The following PTPRT variants were observed in gnomAD, a reference collection of about 807,000 sequenced individuals.
PTPRT encodes the protein protein tyrosine phosphatase receptor type T.
In PTPRT, 56 loss-of-function variants were observed where a neutral mutation model predicts 176.8. The observed-to-expected ratio is 0.32, with a 90% CI of 0.26 to 0.40. The LOEUF (loss-of-function observed/expected upper bound fraction) is 0.40. Ranked by LOEUF, PTPRT falls within the 10% of genes least tolerant of loss-of-function variation. The pLI is 1.00. For missense variants in PTPRT, 1,540 were observed against 1,908.2 expected (o/e 0.81, Z 3.60); for synonymous variants, 783 against 739.0 (o/e 1.06, Z -0.96).
intron 1 of PTPRT, among the ~76,000 whole-genome samples, chr20:43,156,004 A>G (rs1436670001): frequency 6.6e-6 from 1 of 152,138 alleles, no homozygotes; most frequent in Non-Finnish European, 1.5e-5. Context: ...AGCACTTTGA[A>G]ATCTGTCCAT....
intron 15 of PTPRT, among the ~76,000 whole-genome samples, chr20:42,225,609 T>A (rs1466620440): frequency 1.3e-5 from 2 of 152,200 alleles, no homozygotes; most frequent in Non-Finnish European, 2.9e-5. Context: ...TGTGTGTGTT[T>A]CAATGTTATG....
chr20:42,347,440 C>T (rs537281995), intron 11 of PTPRT, among the ~76,000 whole-genome samples: 1 of 152,258 alleles, frequency 6.6e-6, no homozygotes, highest in South Asian at 2.1e-4. Flanking sequence ...TCAATCACTA[C>T]AGTCAATGTA....
At chr20:42,329,500 C>CAT (rs376262134) in intron 11 of PTPRT, among the ~76,000 whole-genome samples, 2,790 of 136,436 alleles carry the variant, frequency 0.02, 36 homozygotes, top group African/African-American at 0.051. Flanking sequence ...CACACACACA[C>CAT]ACATACACAC....
intron 7 of PTPRT, among the ~76,000 whole-genome samples, chr20:42,624,265 C>A (rs17748052): frequency 0.1 from 15,187 of 152,164 alleles, 966 homozygotes; most frequent in Non-Finnish European, 0.15. Context: ...ACATGATGGA[C>A]CTGTATGCTA....
intron 12 of PTPRT, among the ~76,000 whole-genome samples, chr20:42,303,298 A>G (rs1009915738): frequency 2.0e-5 from 3 of 152,246 alleles, no homozygotes; most frequent in African/African-American, 7.2e-5. Flanking sequence ...TTATTAGTAC[A>G]GCTCCTCACT....
intron 7 of PTPRT, among the ~76,000 whole-genome samples, chr20:42,585,706 C>T (rs1190079954): frequency 1.3e-5 from 2 of 152,152 alleles, no homozygotes; most frequent in African/African-American, 2.4e-5. Flanking sequence ...CAATCATCTC[C>T]TGTACAAGAT....
chr20:42,705,018 C>T (rs1170772168), intron 6 of PTPRT, among the ~76,000 whole-genome samples: 1 of 151,980 alleles, frequency 6.6e-6, no homozygotes, highest in East Asian at 1.9e-4. Flanking sequence ...CCAGCCTGAC[C>T]AACATGGAGA....
chr20:43,042,565 C>G (rs1384264101), intron 1 of PTPRT, among the ~76,000 whole-genome samples: 1 of 152,134 alleles, frequency 6.6e-6, no homozygotes, highest in African/African-American at 2.4e-5. Flanking sequence ...ACCTTAGAAT[C>G]TTTCACAAGC....
chr20:43,033,920 T>C (rs1485861967), intron 1 of PTPRT, among the ~76,000 whole-genome samples: 1 of 152,212 alleles, frequency 6.6e-6, no homozygotes, highest in Non-Finnish European at 1.5e-5. Flanking sequence ...CTGACCACCC[T>C]GCTGCCTCTC....
intron 9 of PTPRT, among the ~76,000 whole-genome samples, chr20:42,436,445 CT>C (rs1205224614): frequency 6.6e-5 from 10 of 152,118 alleles, no homozygotes; most frequent in Admixed American, 4.6e-4. Context: ...ATACAATATT[CT>C]ACCTCATTAA....
intron 13 of PTPRT, among the ~76,000 whole-genome samples, chr20:42,273,673 C>T (rs1451334610): frequency 6.6e-6 from 1 of 152,220 alleles, no homozygotes; most frequent in Non-Finnish European, 1.5e-5. Context: ...AAGTTGTACT[C>T]AATAAATGCT....
At chr20:42,984,022 A>G (rs576206649) in intron 1 of PTPRT, among the ~76,000 whole-genome samples, 5 of 152,328 alleles carry the variant, frequency 3.3e-5, no homozygotes, top group African/African-American at 1.2e-4. Flanking sequence ...TCTGCAGGAT[A>G]CCACCATGTT....
chr20:42,129,250 C>T (rs1247803709), intron 18 of PTPRT, among the ~76,000 whole-genome samples: 1 of 152,214 alleles, frequency 6.6e-6, no homozygotes, highest in Non-Finnish European at 1.5e-5. Context: ...CTATCTTCCA[C>T]ACATGCACAA....
chr20:42,385,371 T>A (rs927478208), intron 9 of PTPRT, among the ~76,000 whole-genome samples: 2 of 152,206 alleles, frequency 1.3e-5, no homozygotes, highest in Non-Finnish European at 2.9e-5. Flanking sequence ...GGACAAATAC[T>A]GCATGATTCC....
intron 1 of PTPRT, among the ~76,000 whole-genome samples, chr20:43,045,605 C>G (rs1030175245): frequency 1.3e-5 from 2 of 150,990 alleles, no homozygotes; most frequent in Admixed American, 6.6e-5. Context: ...AAGGCATGCA[C>G]CACCATGTCC....
In PTPRT at chr20:43,016,160, CA is replaced by C. The variant is rs377129791; in HGVS notation, c.89-130229del. On this transcript the variant is annotated intron_variant, in intron 1 of 30. Coordinates refer to ENST00000373187, the MANE Select transcript of PTPRT (RefSeq NM_007050.6). ...CACACAAGAGTTCAGAGTTTGGGGA[CA>C]GGGGGTATGGAGCAAGGTCCCCACT... Among the ~76,000 whole-genome samples, 630 of 152,262 alleles carry C rather than the reference CA, an allele frequency of 4.1e-3. 3 individuals are homozygous for C. Among genetic ancestry groups the C allele is most frequent in the African/African-American group, 0.015 (604 of 41,560 alleles).
intron 7 of PTPRT, among the ~76,000 whole-genome samples, chr20:42,561,171 A>T (rs1435520101): frequency 6.6e-6 from 1 of 152,178 alleles, no homozygotes; most frequent in Non-Finnish European, 1.5e-5. Context: ...AACCTTAGAG[A>T]TGAACTGCTC....
At chr20:43,037,650 T>C (rs1986437349) in intron 1 of PTPRT, among the ~76,000 whole-genome samples, 1 of 148,794 alleles carries the variant, frequency 6.7e-6, no homozygotes, top group Non-Finnish European at 1.5e-5. Context: ...CTGAAACCTG[T>C]TTTTTTTTGT....
chr20:42,911,873 A>T (rs1408352912), intron 1 of PTPRT, among the ~76,000 whole-genome samples: 1 of 152,046 alleles, frequency 6.6e-6, no homozygotes, highest in East Asian at 1.9e-4. Flanking sequence ...AGTACATTAC[A>T]GTATCAGAAA....
Sources: allele counts gnomAD v4.1 joint callset (sites outside exome capture counted in the v4.1 genomes callset), GRCh38; gene constraint gnomAD v4.1.1; transcripts MANE v1.5; gene names NCBI Gene and HGNC (gene_info 2026-07-23, HGNC 2026-07-21).